WDPCP: variants seen among roughly 807,000 people sequenced by gnomAD.
WDPCP encodes WD repeat containing planar cell polarity effector.
In WDPCP, 71 loss-of-function variants were observed where a neutral mutation model predicts 93.1. That is an observed-to-expected ratio of 0.76 (90% CI 0.63 to 0.93). The LOEUF (loss-of-function observed/expected upper bound fraction) is 0.93, where lower values mean the gene tolerates loss of function less well. WDPCP is among the 40% of genes least tolerant of loss of function. The pLI is 0.00. For missense variants in WDPCP, 844 were observed against 887.4 expected, an observed-to-expected ratio of 0.95 and a Z score of 0.62; for synonymous variants, 315 against 315.0, an observed-to-expected ratio of 1.00 and a Z score of 0.00.
chr2:63,764,090 G>C (rs1670101347), intron 2 of WDPCP, among the ~76,000 whole-genome samples: 1 of 152,104 alleles, frequency 6.6e-6, no homozygotes, highest in Admixed American at 6.6e-5. Flanking sequence ...GTGCAATTCA[G>C]TGACTTTGAG....
intron 13 of WDPCP, among the ~76,000 whole-genome samples, chr2:63,262,630 T>G (rs2104795366): frequency 6.6e-6 from 1 of 152,156 alleles, no homozygotes; most frequent in East Asian, 1.9e-4. Context: ...TACTTTATGT[T>G]TAGACGTAAG....
At chr2:63,645,483 A>T (rs759782430) in intron 3 of WDPCP, among the ~76,000 whole-genome samples, 2 of 152,340 alleles carry the variant, frequency 1.3e-5, no homozygotes, top group Non-Finnish European at 1.5e-5. Context: ...TTCTGCAGCC[A>T]TTGGATGAAA....
chr2:63,551,949 C>A (rs1472587986), intron 1 of WDPCP, among the ~76,000 whole-genome samples: 2 of 139,726 alleles, frequency 1.4e-5, no homozygotes, highest in East Asian at 4.3e-4. Flanking sequence ...TTCTGTTTTG[C>A]TTTCATTTTC....
chr2:63,428,662 C>T (rs1043759778), intron 9 of WDPCP, among the ~76,000 whole-genome samples: 1 of 152,168 alleles, frequency 6.6e-6, no homozygotes, highest in African/African-American at 2.4e-5. Flanking sequence ...TCCTTGAAAA[C>T]TGGAACAAGA....
At chr2:63,129,991 T>G (rs1670185920) in intron 17 of WDPCP, among the ~76,000 whole-genome samples, 1 of 152,220 alleles carries the variant, frequency 6.6e-6, no homozygotes, top group Admixed American at 6.5e-5. Context: ...CAATCTCTTG[T>G]TGGTGGAATC....
rs70965144 is a variant in WDPCP, at chr2:63,824,537, CAAAAAAAAAA to C, written n.222+3075_222+3084del. On this transcript the variant is annotated intron_variant and non_coding_transcript_variant, in intron 1 of 4. Transcript: ENST00000467687. ...CACTCCAGCCTGGGCGACCATGTTTCAAAAAAAAAAAAAAAAAAAAAAAAAACAGGAAAAG... is the reference window on the plus strand; with the variant it reads ...CACTCCAGCCTGGGCGACCATGTTTCAAAAAAAAAAAAAAAACAGGAAAAG... 1.1e-4 allele frequency among the ~76,000 whole-genome samples: 9 copies of C among 85,290 alleles called. No individual in the cohort carries two copies. In the South Asian group the frequency reaches 1.4e-3, roughly 14 times the overall value. The allele number at this position is 85,290 out of a possible 152,430, so 56.0% of individuals were successfully genotyped here. A position where few individuals can be genotyped will look rare whatever the true frequency, so the allele number is the denominator to read the frequency against.
intron 3 of WDPCP, among the ~76,000 whole-genome samples, chr2:63,637,014 T>C (rs974527368): frequency 1.3e-5 from 2 of 152,168 alleles, no homozygotes; most frequent in Non-Finnish European, 2.9e-5. Context: ...TTGGCAGTGA[T>C]ATTTTGGCTA....
At chr2:63,772,835 T>G (rs1264945803) in intron 2 of WDPCP, among the ~76,000 whole-genome samples, 1 of 152,050 alleles carries the variant, frequency 6.6e-6, no homozygotes, top group Non-Finnish European at 1.5e-5. Flanking sequence ...ACAAAATACC[T>G]ACAGTAAATG....
chr2:63,231,246 G>A (rs10169579), intron 14 of WDPCP, among the ~76,000 whole-genome samples: 22,773 of 152,108 alleles, frequency 0.15, 2,034 homozygotes, highest in Middle Eastern at 0.22. Context: ...AAACACTGGA[G>A]GCATTCCCTT....
intron 8 of WDPCP, among the ~76,000 whole-genome samples, chr2:63,436,129 G>A (rs1697121365): frequency 6.6e-6 from 1 of 151,926 alleles, no homozygotes; most frequent in Admixed American, 6.6e-5. Flanking sequence ...AATGCACACT[G>A]GTGCATTTTA....
At chr2:63,640,093 C>G (rs61361027) in intron 3 of WDPCP, among the ~76,000 whole-genome samples, 1 of 152,150 alleles carries the variant, frequency 6.6e-6, no homozygotes, top group African/African-American at 2.4e-5. Flanking sequence ...ACTGCACGCT[C>G]CGCCTCCCAG....
rs556794501 is a variant in WDPCP, at chr2:63,723,309, T to C, written n.309-72471A>G. Reference sequence around the variant, plus strand: ...AAAATTAAAAAAAAAAAAAAAAGAATGCTCCCTTTTTCTCACCCTCATATT... The same window carrying C: ...AAAATTAAAAAAAAAAAAAAAAGAACGCTCCCTTTTTCTCACCCTCATATT... On this transcript the variant is annotated intron_variant and non_coding_transcript_variant, in intron 2 of 4. Coordinates refer to the WDPCP transcript ENST00000467687. Among the ~76,000 whole-genome samples, 315 of 149,496 alleles carry C rather than the reference T, an allele frequency of 2.1e-3. 1 individual carries two copies. Among genetic ancestry groups the C allele is most frequent in the African/African-American group, 7.4e-3 (301 of 40,740 alleles).
At chr2:63,205,540 A>G (rs1676276173) in intron 14 of WDPCP, among the ~76,000 whole-genome samples, 1 of 151,776 alleles carries the variant, frequency 6.6e-6, no homozygotes, top group South Asian at 2.1e-4. Context: ...CAGATCTTTC[A>G]CTTCTTTGGT....
At chr2:63,800,350 C>A (rs1310849731) in intron 2 of WDPCP, among the ~76,000 whole-genome samples, 1 of 152,106 alleles carries the variant, frequency 6.6e-6, no homozygotes, top group African/African-American at 2.4e-5. Flanking sequence ...GTGGAAGTAG[C>A]CTTTCTTCAG....
intron 17 of WDPCP, among the ~76,000 whole-genome samples, chr2:63,147,465 C>T (rs11685079): frequency 0.086 from 13,072 of 152,038 alleles, 765 homozygotes; most frequent in South Asian, 0.16. Flanking sequence ...CGACAGAGAC[C>T]ACATATGGAG....
chr2:63,572,725 A>AAAAAAAAAAAAAAC, intron 1 of WDPCP, among the ~76,000 whole-genome samples: 1 of 147,658 alleles, frequency 6.8e-6, no homozygotes, highest in African/African-American at 2.5e-5. Context: ...AAAAAAAAAA[A>AAAAAAAAAAAAAAC]AGTTGGACAG....
At chr2:63,609,046 T>C (rs756864777) in intron 3 of WDPCP, among the ~76,000 whole-genome samples, 1 of 152,158 alleles carries the variant, frequency 6.6e-6, no homozygotes, top group Non-Finnish European at 1.5e-5. Context: ...GCAAGCCACA[T>C]TTCTTTACCA....
chr2:63,273,456 A>C (rs78031149), intron 13 of WDPCP, among the ~76,000 whole-genome samples: 7 of 151,884 alleles, frequency 4.6e-5, no homozygotes, highest in Non-Finnish European at 7.4e-5. Flanking sequence ...AAAAAAAAAA[A>C]CCAGAAATAA....
In WDPCP at chr2:63,588,338, C is replaced by T; in HGVS notation, c.-67G>A. ...CTCGGACCCGAGAGGGAGCGACACG[C>T]TCGCTTGGTCTCTTGGGTCTCCAGG... On this transcript the variant is annotated 5_prime_UTR_variant, in exon 1 of 18. Coordinates refer to ENST00000272321, the MANE Select transcript of WDPCP (RefSeq NM_015910.7). 1 of 1,533,718 alleles carries T rather than the reference C, an allele frequency of 6.5e-7. No homozygotes were observed. Among genetic ancestry groups the T allele is most frequent in the Non-Finnish European group, 8.8e-7 (1 of 1,130,696 alleles).
Sources: gnomAD v4.1 joint callset for allele counts (sites outside exome capture counted in the v4.1 genomes callset) on GRCh38, gnomAD v4.1.1 for gene constraint, MANE v1.5 for transcripts, NCBI Gene and HGNC (gene_info 2026-07-23, HGNC 2026-07-21) for gene names.